The following IRAK1 variants were observed in gnomAD, a reference collection of about 807,000 sequenced individuals.
IRAK1 encodes the protein interleukin-1 receptor-associated kinase 1.
A neutral mutation model predicts 49.8 loss-of-function variants in IRAK1; 9 were observed. The observed-to-expected ratio is 0.18, with a 90% confidence interval of 0.11 to 0.32. IRAK1 has a LOEUF of 0.32. IRAK1 is among the 10% of genes least tolerant of loss of function. The pLI, the probability that IRAK1 is intolerant of heterozygous loss-of-function variation, is 1.00. For synonymous variants in IRAK1, 282 were observed against 270.8 expected (o/e 1.04, Z -0.41); for missense variants, 418 against 600.5 (o/e 0.70, Z 3.18).
rs2065692478 is a variant in IRAK1 at position 154,010,849 on chromosome X, G to A, written c.*1010C>T. On this transcript the variant is annotated 3_prime_UTR_variant, in exon 14 of 14. Coordinates refer to ENST00000369980, the MANE Select transcript of IRAK1 (RefSeq NM_001569.4). ...CCCCTCTGCCACAATCAGTGCCTGGGCCTGAGGCTGAGCTTGTGGCCTCCG... is the reference window on the plus strand; with the variant it reads ...CCCCTCTGCCACAATCAGTGCCTGGACCTGAGGCTGAGCTTGTGGCCTCCG... 1 of 306,996 alleles carries A rather than the reference G, an allele frequency of 3.3e-6. No homozygotes were observed. Among genetic ancestry groups the A allele is most frequent in the African/African-American group, 2.7e-5 (1 of 36,919 alleles). 25.3% of individuals were successfully genotyped at this position (306,996 alleles called of 1,213,427 possible). A position where few individuals can be genotyped will look rare whatever the true frequency, so the allele number is the denominator to read the frequency against.
At chrX:154,014,546 G>A (rs7886963) in intron 10 of IRAK1, among the ~76,000 whole-genome samples, 4 of 110,395 alleles carry the variant, frequency 3.6e-5, no homozygotes, top group African/African-American at 1.3e-4. Flanking sequence ...CTGAGACAGG[G>A]ACTCATTCTG....
intron 12 of IRAK1, among the ~76,000 whole-genome samples, 161 bp downstream of exon 12, chrX:154,012,882 G>A (rs2065710284): frequency 8.8e-6 from 1 of 113,202 alleles, no homozygotes; most frequent in African/African-American, 3.2e-5. Flanking sequence ...GCTCCACCTG[G>A]GAAGGATGTG....
chrX:154,016,696 C>T (rs183436717), intron 8 of IRAK1, 52 bp from the exon 9 acceptor site: 1 of 1,050,708 alleles, frequency 9.5e-7, no homozygotes, highest in East Asian at 3.1e-5. Context: ...CTACACCTGC[C>T]CGGCTTAGAT....
Position 154,018,965 on chromosome X carries a change from G to A in IRAK1, c.540+10C>T. The A allele has an allele frequency of 1.7e-6, 2 of 1,168,023 alleles. No homozygotes were observed. The highest frequency in any genetic ancestry group is 2.3e-6 in the Non-Finnish European group (2 of 864,703). On this transcript the variant is annotated intron_variant, in intron 4 of 13. Transcript: ENST00000369980. ...TCTCGAATCTTCCCTGGGGGGCAGG[G>A]GACACCTACCTTGGTAGAAGAAGGG...
In IRAK1 at chrX:154,019,454, C is replaced by T; in HGVS notation, c.281G>A (p.Arg94His). ...VHILTHLQLL[R>H]ARDIITAWHP... The stretch of plus-strand genomic sequence containing the variant: ...ACAGGCTGTGATGATGTCCCGCGCA[C>T]GGAGCAGCTGCAGGTGCGTGAGGAT... The change falls in exon 2 of 14, where the codon CGT (arginine) becomes CAT (histidine). Residue 94 changes from arginine (R) to histidine (H), a missense_variant. Around this residue, in one of 3 missense-constraint regions of IRAK1, gnomAD observed 21 missense variants for 84.9 expected, o/e 0.25. Transcript: ENST00000369980. 1.8e-6 allele frequency: 2 copies of T among 1,134,375 alleles called. No homozygotes were observed. Among genetic ancestry groups the T allele is most frequent in the Non-Finnish European group, 1.2e-6 (1 of 845,744 alleles). The allele number at this position is 1,134,375 out of a possible 1,213,427, so 93.5% of individuals were successfully genotyped here. A position where few individuals can be genotyped will look rare whatever the true frequency, so the allele number is the denominator to read the frequency against.
In IRAK1 at chrX:154,013,275, C is replaced by T. The variant is rs782029783; in HGVS notation, c.1698G>A (p.Ala566=). ...SGAAPWQPLA[A]PSGASAQAAE... ...CTGCCTGGGCACTGGCTCCTGATGG[C>T]GCTGCCAGGGGCTGCCATGGAGCAG... The change falls in exon 12 of 14, where the codon GCG becomes GCA. Residue 566 remains alanine, a synonymous_variant. Transcript: ENST00000369980. 11 of 1,209,447 alleles carry T rather than the reference C, an allele frequency of 9.1e-6. No homozygotes were observed. In the South Asian group the frequency reaches 1.1e-4, roughly 12 times the overall value.
At chrX:154,018,547 G>A (rs1557130188) in intron 5 of IRAK1, 52 bp downstream of exon 5, 3 of 1,029,539 alleles carry the variant, frequency 2.9e-6, no homozygotes, top group African/African-American at 1.9e-5. Context: ...TGGAGAAGTG[G>A]TGAGGGTTAT....
intron 11 of IRAK1, among the ~76,000 whole-genome samples, chrX:154,013,733 AGAG>A (rs1392956745): frequency 8.9e-6 from 1 of 112,922 alleles, no homozygotes; most frequent in African/African-American, 3.2e-5. Flanking sequence ...CCAGAGGAGA[AGAG>A]GTGGGGTACT....
At chrX:154,015,652 C>T (rs1159442952) in intron 10 of IRAK1, among the ~76,000 whole-genome samples, 4 of 112,169 alleles carry the variant, frequency 3.6e-5, no homozygotes, top group Non-Finnish European at 7.5e-5. Flanking sequence ...CTGCCCTGCA[C>T]GGTGCGGAGA....
In IRAK1 at chrX:154,016,516, C is replaced by G; in HGVS notation, c.1157G>C (p.Gly386Ala). ...SMVARTQTVRGTLAYLPEEYI... is the reference protein window; with the variant it reads ...SMVARTQTVRATLAYLPEEYI... ...CTCCTCGGGCAGGTAGGCCAGGGTG[C>G]CCCGCACTGTCTGTGTCCGGGCCAC... Residue 386 changes from glycine to alanine, a missense_variant, in exon 9 of 14, where the codon GGC becomes GCC. By Grantham distance (60) the Gly-to-Ala change is moderately conservative. Coordinates refer to ENST00000369980, the MANE Select transcript of IRAK1 (RefSeq NM_001569.4). 1.7e-6 allele frequency: 2 copies of G among 1,211,409 alleles called. No homozygotes were observed. Among genetic ancestry groups the G allele is most frequent in the Non-Finnish European group, 2.2e-6 (2 of 894,703 alleles).
chrX:154,013,199 G>A lies in IRAK1; in HGVS notation c.1774C>T (p.Leu592=). The A allele has an allele frequency of 7.4e-6, 9 of 1,210,033 alleles. No individual in the cohort carries two copies. The highest frequency in any genetic ancestry group is 8.9e-6 in the Non-Finnish European group (8 of 895,336). Residue 592 remains leucine, a synonymous_variant, in exon 12 of 14, where the codon CTA becomes TTA. Transcript: ENST00000369980. Reference sequence around the variant, plus strand: ...CGCAGGGCAGCAGAGAGGCCGCCTAGGCTCTCGTCACTCTCCACGGGCTGG... The same window carrying A: ...CGCAGGGCAGCAGAGAGGCCGCCTAAGCTCTCGTCACTCTCCACGGGCTGG... ...PNQPVESDES[L]GGLSAALRSW... is the part of the protein sequence containing the mutation.
chrX:154,018,524 G>T, intron 5 of IRAK1, 75 bp downstream of exon 5: 1 of 960,197 alleles, frequency 1.0e-6, no homozygotes, highest in Non-Finnish European at 1.5e-6. Context: ...GTGGGGAAGC[G>T]AGGGGGAAAG....
At position 154,013,347 on chromosome X, in the gene IRAK1, C is replaced by T. The variant is rs150089165; in HGVS notation, c.1626G>A (p.Pro542=). 83 of 1,203,933 alleles carry T rather than the reference C, an allele frequency of 6.9e-5. No homozygotes were observed. Among genetic ancestry groups the T allele is most frequent in the Middle Eastern group, 2.3e-4 (1 of 4,269 alleles). ...TGCTGGACACGTAGGAGTTCTCCTG[C>T]GGGGAAGGGGGGATGCAGCTGGCGG... ...SEAASCIPPS[P]QENSYVSSTG... The change falls in exon 12 of 14, where the codon CCG becomes CCA. Residue 542 remains proline (P), a synonymous_variant. Coordinates refer to ENST00000369980, the MANE Select transcript of IRAK1 (RefSeq NM_001569.4).
chrX:154,012,787 G>A (rs1279725491), intron 12 of IRAK1, 109 bp from the exon 13 acceptor site: 4 of 889,707 alleles, frequency 4.5e-6, no homozygotes, highest in Middle Eastern at 4.0e-4. Flanking sequence ...AAGTCCAAGG[G>A]CAGGGCCCAG....
intron 7 of IRAK1, among the ~76,000 whole-genome samples, chrX:154,017,478 G>A (rs2065747266): frequency 8.9e-6 from 1 of 112,269 alleles, no homozygotes; most frequent in African/African-American, 3.2e-5. Flanking sequence ...AAAGGGGAGA[G>A]GCCTGGGAAA....
rs2065761503 is a variant in IRAK1 at position 154,019,025 on chromosome X, G to A, written c.490C>T (p.Pro164Ser). The A allele has an allele frequency of 8.3e-7, 1 of 1,208,041 alleles. No individual in the cohort carries two copies. Among genetic ancestry groups the A allele is most frequent in the Admixed American group, 2.2e-5 (1 of 45,490 alleles). The change falls in exon 4 of 14, where the codon CCT becomes TCT. Residue 164 changes from proline (P) to serine (S), a missense_variant. This residue lies in a region of IRAK1 where 377 missense variants were observed against 499.5 expected (regional missense o/e 0.75). Coordinates refer to ENST00000369980, the MANE Select transcript of IRAK1 (RefSeq NM_001569.4). ...SGPELGLVPSPASLWPPPPSP... is the reference protein window; with the variant it reads ...SGPELGLVPSSASLWPPPPSP... ...GGCGGTGGAGGCCACAGGGAAGCAG[G>A]GCTTGGGACCAGGCCGAGCTCAGGC...
intron 10 of IRAK1, among the ~76,000 whole-genome samples, chrX:154,015,666 C>T (rs2065733760): frequency 8.9e-6 from 1 of 111,982 alleles, no homozygotes; most frequent in Non-Finnish European, 1.9e-5. Flanking sequence ...GCGGAGAGCT[C>T]AGCTGCAGCC....
rs1557130319 is a variant in IRAK1, at chrX:154,018,685, C to T, written c.643G>A (p.Glu215Lys). 1 of 1,201,476 alleles carries T rather than the reference C, an allele frequency of 8.3e-7. No individual in the cohort carries two copies. Among genetic ancestry groups the T allele is most frequent in the Non-Finnish European group, 1.1e-6 (1 of 886,321 alleles). ...ISRGTHNFSEELKIGEGGFGC... is the reference protein window; with the variant it reads ...ISRGTHNFSEKLKIGEGGFGC... Reference sequence around the variant, plus strand: ...AAGCCACCCTCCCCGATCTTGAGCTCCTCCGAGAAGTTGTGGGTGCCCCGG... The same window carrying T: ...AAGCCACCCTCCCCGATCTTGAGCTTCTCCGAGAAGTTGTGGGTGCCCCGG... The change falls in exon 5 of 14, where the codon GAG becomes AAG. Residue 215 changes from glutamate to lysine, a missense_variant. Physicochemically the swap from Glu to Lys is moderately conservative, Grantham distance 56. Around this residue, in one of 3 missense-constraint regions of IRAK1, gnomAD observed 377 missense variants for 499.5 expected, o/e 0.75. Transcript: ENST00000369980.
chrX:154,019,303 G>C lies in IRAK1; in HGVS notation c.330C>G (p.Ser110=). The change falls in exon 3 of 14, where the codon TCC becomes TCG. Residue 110 remains serine (S), a synonymous_variant. Transcript: ENST00000369980. ...TAWHPPAPLP[S]PGTTAPRPSS... ...TGGGCCTCGGGGCAGTGGTGCCTGG[G>C]GACGGAAGCGGGGCGGGAGGGTGCC... 2.6e-6 allele frequency: 3 copies of C among 1,175,530 alleles called. No homozygotes were observed. The highest frequency in any genetic ancestry group is 3.4e-6 in the Non-Finnish European group (3 of 876,233).
Sources: allele counts gnomAD v4.1 joint callset (sites outside exome capture counted in the v4.1 genomes callset), GRCh38; gene constraint gnomAD v4.1.1; regional missense constraint gnomAD v4.1.1; transcripts MANE v1.5; gene names NCBI Gene and HGNC (gene_info 2026-07-23, HGNC 2026-07-21).